MYO3B: variants seen among roughly 807,000 people sequenced by gnomAD.
MYO3B encodes the protein myosin IIIB.
Under a neutral mutation model 174.6 loss-of-function variants are expected in MYO3B, and 156 were observed. The observed-to-expected ratio is 0.89, with a 90% CI of 0.78 to 1.02. MYO3B has a LOEUF of 1.02. Ranked by LOEUF, MYO3B falls within the 50% of genes least tolerant of loss-of-function variation. MYO3B has a pLI of 0.00. For synonymous variants in MYO3B, 563 were observed against 569.1 expected (o/e 0.99, Z 0.15); for missense variants, 1,632 against 1,639.4 (o/e 1.00, Z 0.08).
intron 32 of MYO3B, among the ~76,000 whole-genome samples, chr2:170,615,360 G>T (rs886110611): frequency 6.6e-6 from 1 of 152,210 alleles, no homozygotes; most frequent in Non-Finnish European, 1.5e-5. Flanking sequence ...TTGTATAGAA[G>T]GTGACACCTA....
chr2:170,551,447 T>C (rs1690903388), intron 32 of MYO3B, among the ~76,000 whole-genome samples: 1 of 145,400 alleles, frequency 6.9e-6, no homozygotes, highest in Non-Finnish European at 1.5e-5. Flanking sequence ...CTCAGCTCAC[T>C]GCAGCCTCCA....
At chr2:170,483,994 A>C (rs915079185) in intron 25 of MYO3B, among the ~76,000 whole-genome samples, 2 of 152,234 alleles carry the variant, frequency 1.3e-5, no homozygotes, top group African/African-American at 4.8e-5. Context: ...AGTTACTTAC[A>C]GTAAATATCT....
chr2:170,245,187 T>C (rs1456533525), intron 7 of MYO3B, among the ~76,000 whole-genome samples: 1 of 152,116 alleles, frequency 6.6e-6, no homozygotes, highest in Non-Finnish European at 1.5e-5. Context: ...GTGGTTGGTG[T>C]GCTGGATGAC....
intron 32 of MYO3B, among the ~76,000 whole-genome samples, chr2:170,550,937 C>T (rs920149359): frequency 3.3e-5 from 5 of 152,140 alleles, no homozygotes; most frequent in Admixed American, 6.5e-5. Flanking sequence ...CTTGCTCTGT[C>T]ACCCAGGCTG....
At chr2:170,631,566 A>T (rs1300725962) in intron 32 of MYO3B, among the ~76,000 whole-genome samples, 2 of 151,814 alleles carry the variant, frequency 1.3e-5, no homozygotes, top group Non-Finnish European at 1.5e-5. Flanking sequence ...AAAGATAGAT[A>T]CTCCTGGAGA....
chr2:170,482,159 C>CTTT (rs571671660), intron 25 of MYO3B, among the ~76,000 whole-genome samples: 1 of 143,880 alleles, frequency 7.0e-6, no homozygotes, highest in East Asian at 2.0e-4. Context: ...AGTTCTCTCT[C>CTTT]TTTTTTTTTT....
chr2:170,265,245 G>A (rs193155754), intron 7 of MYO3B, among the ~76,000 whole-genome samples: 9 of 152,170 alleles, frequency 5.9e-5, no homozygotes, highest in African/African-American at 1.7e-4. Context: ...TTTAAGTCTT[G>A]GCCTTAATTT....
chr2:170,355,355 A>G (rs1558918293), intron 8 of MYO3B, among the ~76,000 whole-genome samples: 1 of 152,242 alleles, frequency 6.6e-6, no homozygotes, highest in Non-Finnish European at 1.5e-5. Flanking sequence ...GCAGTCAGCC[A>G]GAGAAGTGTT....
intron 30 of MYO3B, among the ~76,000 whole-genome samples, chr2:170,530,543 A>G (rs181079364): frequency 6.6e-6 from 1 of 152,332 alleles, no homozygotes; most frequent in Admixed American, 6.5e-5. Flanking sequence ...TGAGAACCAC[A>G]TGGCCGCTCT....
chr2:170,639,302 G>A (rs1198142877), intron 32 of MYO3B, among the ~76,000 whole-genome samples: 1 of 152,142 alleles, frequency 6.6e-6, no homozygotes, highest in Non-Finnish European at 1.5e-5. Context: ...ATCAGATCTA[G>A]GTCTTGGATT....
At chr2:170,551,621 G>A (rs1262980205) in intron 32 of MYO3B, among the ~76,000 whole-genome samples, 1 of 124,072 alleles carries the variant, frequency 8.1e-6, no homozygotes, top group Non-Finnish European at 1.7e-5. Flanking sequence ...TGGGCATGAG[G>A]ACAAAGGGAT....
rs142235473 is a variant in MYO3B at position 170,436,538 on chromosome 2, G to A, written c.2651-7429G>A. ...TCACAGTTTAGCCTCTGAAGATATCGCCAGAGAAAACATTTGGACATCTTT... is the reference window on the plus strand; with the variant it reads ...TCACAGTTTAGCCTCTGAAGATATCACCAGAGAAAACATTTGGACATCTTT... On this transcript the variant is annotated intron_variant, in intron 22 of 34. Transcript: ENST00000408978. Among the ~76,000 whole-genome samples, 8 of 152,238 alleles carry A rather than the reference G, an allele frequency of 5.3e-5. No individual in the cohort carries two copies. In the South Asian group the frequency reaches 6.2e-4, roughly 12 times the overall value.
chr2:170,495,319 C>T (rs1686794738), intron 25 of MYO3B, among the ~76,000 whole-genome samples: 1 of 152,076 alleles, frequency 6.6e-6, no homozygotes. Flanking sequence ...TGCTAGAATC[C>T]AAAATTATTC....
At chr2:170,513,715 T>C (rs1004394209) in intron 28 of MYO3B, among the ~76,000 whole-genome samples, 1 of 152,174 alleles carries the variant, frequency 6.6e-6, no homozygotes, top group Non-Finnish European at 1.5e-5. Flanking sequence ...TATTCGAATG[T>C]GAGCTCCTTG....
At chr2:170,636,365 T>G (rs1455301528) in intron 32 of MYO3B, among the ~76,000 whole-genome samples, 1 of 152,070 alleles carries the variant, frequency 6.6e-6, no homozygotes, top group East Asian at 1.9e-4. Context: ...ACTGTTTGTG[T>G]TATGTTATTG....
rs60171555 is a variant in MYO3B, at chr2:170,230,336, A to AT, written c.604-5629dup. Among the ~76,000 whole-genome samples, 278 of 64,712 alleles carry AT rather than the reference A, an allele frequency of 4.3e-3. 39 individuals carry two copies. The highest frequency in any genetic ancestry group is 0.017 in the African/African-American group (243 of 14,636). The allele number at this position is 64,712 out of a possible 152,430, so 42.5% of individuals were successfully genotyped here. A position where few individuals can be genotyped will look rare whatever the true frequency, so the allele number is the denominator to read the frequency against. ...AGGCATGTGCCACCACGCCTGGCTA[A>AT]TTTTTTTTTTTTTTTTTTTTTTTTT... On this transcript the variant is annotated intron_variant, in intron 6 of 34. Transcript: ENST00000408978.
In MYO3B at chr2:170,217,302, A is replaced by G. The variant is rs1468965557; in HGVS notation, c.527-17A>G. 1 of 1,611,820 alleles carries G rather than the reference A, an allele frequency of 6.2e-7. No individual in the cohort carries two copies. The highest frequency in any genetic ancestry group is 8.5e-7 in the Non-Finnish European group (1 of 1,178,032). On this transcript the variant is annotated splice_polypyrimidine_tract_variant and intron_variant, in intron 5 of 34. Transcript: ENST00000408978. ...ATACTTTGCTCACTTTTGAATTCTG[A>G]TACTCTTTCCTTATAGGTGTTTCAG...
Position 170,648,701 on chromosome 2 carries a change from ATATTATATTCTATATAATATG to A in MYO3B, c.3734-2924_3734-2904del, listed in dbSNP as rs1436786396. Among the ~76,000 whole-genome samples, 18 of 116,668 alleles carry A rather than the reference ATATTATATTCTATATAATATG, an allele frequency of 1.5e-4. 1 individual carries two copies. The highest frequency in any genetic ancestry group is 7.8e-4 in the African/African-American group (18 of 23,022). The allele number at this position is 116,668 out of a possible 152,430, so 76.5% of individuals were successfully genotyped here. A position where few individuals can be genotyped will look rare whatever the true frequency, so the allele number is the denominator to read the frequency against. ...ATATATATTATATTCTATATAATAT[ATATTATATTCTATATAATATG>A]TAAAATATATATTATATTCTATATA... On this transcript the variant is annotated intron_variant, in intron 32 of 34. Transcript: ENST00000408978.
chr2:170,508,094 T>C (rs1286364620), intron 28 of MYO3B, among the ~76,000 whole-genome samples: 1 of 152,148 alleles, frequency 6.6e-6, no homozygotes, highest in African/African-American at 2.4e-5. Context: ...GGCACAAGTA[T>C]GCTTAAGATG....
Sources: allele counts gnomAD v4.1 joint callset (sites outside exome capture counted in the v4.1 genomes callset), GRCh38; gene constraint gnomAD v4.1.1; transcripts MANE v1.5; gene names NCBI Gene and HGNC (gene_info 2026-07-23, HGNC 2026-07-21).